The following CDK11B variants were observed in gnomAD, a reference collection of about 807,000 sequenced individuals.
CDK11B encodes cyclin-dependent kinase 11B.
CDK11B carries 37 observed loss-of-function variants against 84.0 expected under a neutral mutation model. That is an observed-to-expected ratio of 0.44 (90% confidence interval 0.34 to 0.58). The LOEUF is 0.58. Among genes scored for constraint, CDK11B ranks in the 20% least tolerant of loss-of-function variants. The pLI is 0.02. For synonymous variants in CDK11B, 269 were observed against 309.8 expected, an observed-to-expected ratio of 0.87 and a Z score of 1.38; for missense variants, 427 against 834.0, an observed-to-expected ratio of 0.51 and a Z score of 6.01.
intron 13 of CDK11B, 105 bp from the exon 14 acceptor site, chr1:1,637,618 G>A (rs1329149728): frequency 3.7e-6 from 6 of 1,608,678 alleles, no homozygotes; most frequent in African/African-American, 2.7e-5. Flanking sequence ...GTGCCACCCG[G>A]GAGGCAAATG....
intron 2 of CDK11B, among the ~76,000 whole-genome samples, chr1:1,656,512 C>T (rs770993105): frequency 3.6e-4 from 54 of 151,148 alleles, no homozygotes; most frequent in South Asian, 2.1e-4. Flanking sequence ...AAAGGCCGGG[C>T]GCGGAGGCTC....
chr1:1,636,641 T>C, intron 17 of CDK11B, 41 bp downstream of exon 17: 2 of 1,612,602 alleles, frequency 1.2e-6, no homozygotes, highest in South Asian at 1.1e-5. Flanking sequence ...CTGCAACTCC[T>C]CCACAACCCC....
At chr1:1,656,319 C>T (rs1423986793) in intron 2 of CDK11B, among the ~76,000 whole-genome samples, 3 of 152,006 alleles carry the variant, frequency 2.0e-5, no homozygotes, top group Non-Finnish European at 4.4e-5. Flanking sequence ...GGTGAAAGCT[C>T]GTCTCTACTA....
At position 1,641,179 on chromosome 1, in the gene CDK11B, G is replaced by T. The variant is rs867061059; in HGVS notation, c.1010-66C>A. 4.5e-6 allele frequency: 7 copies of T among 1,539,598 alleles called. No homozygotes were observed. The South Asian group carries it at 8.4e-5, about 18-fold the overall frequency. Reference sequence around the variant, plus strand: ...GCGAGTGCTGCCACAGGCAGGATGCGGGCTCCGCTTCAGCTAAGCAACAAG... The same window carrying T: ...GCGAGTGCTGCCACAGGCAGGATGCTGGCTCCGCTTCAGCTAAGCAACAAG... On this transcript the variant is annotated intron_variant, in intron 9 of 19. Coordinates refer to ENST00000341832, the MANE Select transcript of CDK11B (RefSeq NM_033486.3).
chr1:1,654,981 T>G (rs1350040340), intron 3 of CDK11B, among the ~76,000 whole-genome samples: 1 of 152,088 alleles, frequency 6.6e-6, no homozygotes, highest in Non-Finnish European at 1.5e-5. Context: ...AAGACGGGGT[T>G]TCACCATGTT....
In CDK11B at chr1:1,646,201, T is replaced by G. The variant is rs1380911585; in HGVS notation, c.495-939A>C. The G allele has an allele frequency of 3.4e-5, 13 of 382,938 alleles. No individual in the cohort carries two copies. The Admixed American group carries it at 3.4e-4, about 10-fold the overall frequency. 23.7% of individuals were successfully genotyped at this position (382,938 alleles called of 1,614,324 possible). On this transcript the variant is annotated intron_variant, in intron 5 of 19. Transcript: ENST00000341832. ...TTTCTATCTGATAATCTGCCCTGTC[T>G]GTTTGGGGCACAGAGACCTTTCACA...
intron 3 of CDK11B, chr1:1,654,177 A>G: frequency 2.2e-6 from 1 of 463,324 alleles, no homozygotes; most frequent in Non-Finnish European, 4.4e-6. Flanking sequence ...AATTACTAAT[A>G]CCTGATGACG....
chr1:1,646,260 T>G (rs1355053614), intron 5 of CDK11B: 1 of 379,242 alleles, frequency 2.6e-6, no homozygotes, highest in Non-Finnish European at 5.2e-6. Flanking sequence ...TGGATTTACT[T>G]TCCTTGCTTT....
In CDK11B at chr1:1,641,227, G is replaced by C. The variant is rs971256858; in HGVS notation, c.1010-114C>G. 93 of 1,542,582 alleles carry C rather than the reference G, an allele frequency of 6.0e-5. 3 individuals are homozygous for C. The highest frequency in any genetic ancestry group is 3.8e-4 in the African/African-American group (28 of 73,946). On this transcript the variant is annotated intron_variant, in intron 9 of 19. Transcript: ENST00000341832. ...AAGTGTTCCCAAGAATGGATATGCA[G>C]GCCGGGCGCGGTGGCTCACGCCTGT...
intron 9 of CDK11B, among the ~76,000 whole-genome samples, chr1:1,641,413 G>T (rs1288602093): frequency 6.8e-6 from 1 of 147,858 alleles, no homozygotes; most frequent in Non-Finnish European, 1.5e-5. Context: ...GGAGGCTGAG[G>T]CGGGAGGATC....
chr1:1,650,451 C>T (rs1453371618), intron 4 of CDK11B, among the ~76,000 whole-genome samples: 1 of 147,252 alleles, frequency 6.8e-6, no homozygotes, highest in Non-Finnish European at 1.5e-5. Context: ...CTGCAAGCTC[C>T]GCCTCCCGTG....
At chr1:1,650,389 G>T (rs1312768865) in intron 4 of CDK11B, among the ~76,000 whole-genome samples, 51 of 115,824 alleles carry the variant, frequency 4.4e-4, no homozygotes, top group African/African-American at 7.9e-4. Context: ...TTTTGGAGAT[G>T]GAGTCTTGCT....
intron 4 of CDK11B, among the ~76,000 whole-genome samples, chr1:1,652,017 T>C (rs1307439283): frequency 2.6e-5 from 4 of 152,012 alleles, no homozygotes; most frequent in African/African-American, 7.2e-5. Flanking sequence ...CAGCTAGAGT[T>C]TGCTCTCTCT....
Position 1,641,167 on chromosome 1 carries a change from C to T in CDK11B, c.1010-54G>A. The T allele has an allele frequency of 2.6e-6, 4 of 1,524,480 alleles. No individual in the cohort carries two copies. The South Asian group carries it at 3.7e-5, about 14-fold the overall frequency. The allele number at this position is 1,524,480 out of a possible 1,614,324, so 94.4% of individuals were successfully genotyped here. A position where few individuals can be genotyped will look rare whatever the true frequency, so the allele number is the denominator to read the frequency against. ...ACCAGCACCGGGGCGAGTGCTGCCA[C>T]AGGCAGGATGCGGGCTCCGCTTCAG... On this transcript the variant is annotated intron_variant, in intron 9 of 19. Coordinates refer to ENST00000341832, the MANE Select transcript of CDK11B (RefSeq NM_033486.3).
At chr1:1,640,763 G>A (rs1305472456) in intron 10 of CDK11B, among the ~76,000 whole-genome samples, 1 of 152,254 alleles carries the variant, frequency 6.6e-6, no homozygotes, top group East Asian at 1.9e-4. Context: ...CCTCTGCTCT[G>A]CAGGGACAGG....
intron 11 of CDK11B, among the ~76,000 whole-genome samples, chr1:1,639,265 A>C (rs1570045476): frequency 1.3e-5 from 2 of 151,908 alleles, no homozygotes; most frequent in East Asian, 3.9e-4. Flanking sequence ...CAAAATAAAA[A>C]AATTAGCCAG....
intron 4 of CDK11B, among the ~76,000 whole-genome samples, chr1:1,651,342 G>A (rs1205931529): frequency 6.6e-6 from 1 of 152,258 alleles, no homozygotes; most frequent in Non-Finnish European, 1.5e-5. Context: ...TGTGACACAC[G>A]CACGCTTTCA....
chr1:1,637,125 G>T lies in CDK11B; in HGVS notation c.1648C>A (p.Leu550Ile). 1 of 1,613,756 alleles carries T rather than the reference G, an allele frequency of 6.2e-7. No individual in the cohort carries two copies. The highest frequency in any genetic ancestry group is 2.2e-5 in the East Asian group (1 of 44,868). Residue 550 changes from leucine to isoleucine, a missense_variant, in exon 15 of 20, where the codon CTC becomes ATC. Around this residue, in one of 12 missense-constraint regions of CDK11B, gnomAD observed 13 missense variants for 42.2 expected, o/e 0.31. Transcript: ENST00000341832. The part of the protein sequence containing the change: ...LHDNWILHRD[L>I]KTSNLLLSHA... Reference sequence around the variant, plus strand: ...CTCAGCAGCAGGTTGGACGTCTTGAGGTCACGGTGCAGGATCCAGTTGTCG... The same window carrying T: ...CTCAGCAGCAGGTTGGACGTCTTGATGTCACGGTGCAGGATCCAGTTGTCG...
At chr1:1,646,548 A>C (rs1161184381) in intron 5 of CDK11B, 4 of 518,526 alleles carry the variant, frequency 7.7e-6, no homozygotes, top group African/African-American at 7.7e-5. Flanking sequence ...GTAAAACCTA[A>C]GATGTGAGGA....
Sources: allele counts gnomAD v4.1 joint callset (sites outside exome capture counted in the v4.1 genomes callset), GRCh38; gene constraint gnomAD v4.1.1; regional missense constraint gnomAD v4.1.1; transcripts MANE v1.5; gene names NCBI Gene and HGNC (gene_info 2026-07-23, HGNC 2026-07-21).